DLG1: variants seen among roughly 807,000 people sequenced by gnomAD.
The protein encoded by DLG1 is discs large MAGUK scaffold protein 1, also known as disks large homolog 1.
In DLG1, 42 loss-of-function variants were observed where a neutral mutation model predicts 123.4. The observed-to-expected ratio is 0.34, with a 90% CI of 0.27 to 0.44. The LOEUF is 0.44. Among genes scored for constraint, DLG1 ranks in the 20% least tolerant of loss-of-function variants. The probability of loss-of-function intolerance (pLI) is 1.00; values close to 1 mark genes in which losing one functional copy is unlikely to be tolerated. For missense variants in DLG1, 942 were observed against 1,082.6 expected, an observed-to-expected ratio of 0.87 and a Z score of 1.82; for synonymous variants, 317 against 356.2, an observed-to-expected ratio of 0.89 and a Z score of 1.24.
At chr3:197,244,739 A>G (rs1044499620) in intron 4 of DLG1, among the ~76,000 whole-genome samples, 3 of 151,894 alleles carry the variant, frequency 2.0e-5, no homozygotes, top group African/African-American at 7.3e-5. Context: ...GGTGGTTAGA[A>G]GCACGAGATA....
intron 6 of DLG1, among the ~76,000 whole-genome samples, chr3:197,143,744 G>C (rs1789247851): frequency 6.6e-6 from 1 of 152,046 alleles, no homozygotes; most frequent in Non-Finnish European, 1.5e-5. Flanking sequence ...TGAACGACTT[G>C]CTCTTTCCAT....
chr3:197,195,548 T>C (rs1722030884), intron 4 of DLG1, among the ~76,000 whole-genome samples: 1 of 152,088 alleles, frequency 6.6e-6, no homozygotes, highest in African/African-American at 2.4e-5. Flanking sequence ...TATGCAGCCA[T>C]AAAAAAGAAT....
At chr3:197,133,800 C>T (rs371229032) in intron 10 of DLG1, among the ~76,000 whole-genome samples, 1 of 152,058 alleles carries the variant, frequency 6.6e-6, no homozygotes, top group Non-Finnish European at 1.5e-5. Flanking sequence ...AGAGAAATAC[C>T]AAGATAAAGG....
At chr3:197,288,150 G>A (rs1297084057) in intron 3 of DLG1, among the ~76,000 whole-genome samples, 1 of 151,936 alleles carries the variant, frequency 6.6e-6, no homozygotes, top group African/African-American at 2.4e-5. Context: ...CAGATCAGGA[G>A]GTCAAGAGAT....
At chr3:197,210,671 T>C (rs925060951) in intron 4 of DLG1, among the ~76,000 whole-genome samples, 1 of 143,270 alleles carries the variant, frequency 7.0e-6, no homozygotes, top group East Asian at 2.0e-4. Context: ...TTCTTTAATA[T>C]ATATTAAAGA....
chr3:197,091,152 A>G, intron 14 of DLG1, 126 bp from the exon 15 acceptor site: 1 of 550,248 alleles, frequency 1.8e-6, no homozygotes, highest in South Asian at 3.9e-5. Context: ...AAATAGTAAT[A>G]TGCGAAAGAT....
At chr3:197,079,964 A>T (rs938203893) in intron 17 of DLG1, among the ~76,000 whole-genome samples, 19 of 152,000 alleles carry the variant, frequency 1.3e-4, no homozygotes, top group Non-Finnish European at 2.5e-4. Flanking sequence ...ATTCATTTCA[A>T]ATATTATCAG....
intron 20 of DLG1, among the ~76,000 whole-genome samples, chr3:197,066,157 C>A (rs1739398895): frequency 6.6e-6 from 1 of 152,002 alleles, no homozygotes; most frequent in Non-Finnish European, 1.5e-5. Context: ...CAAAGAAGGG[C>A]AGAACAGAAA....
At position 197,051,684 on chromosome 3, in the gene DLG1, T is replaced by C. The variant is rs1421182722; in HGVS notation, c.2484-16A>G. ...ATTCATTTCCCTACGAAAATAAATG[T>C]AGAAATTGATAATTACCAAATTATA... is the stretch of plus-strand genomic sequence containing the variant. On this transcript the variant is annotated splice_polypyrimidine_tract_variant and intron_variant, in intron 23 of 24. Transcript: ENST00000667157. 7.0e-6 allele frequency: 11 copies of C among 1,572,502 alleles called. No homozygotes were observed. The highest frequency in any genetic ancestry group is 3.3e-5 in the South Asian group (3 of 89,624).
At chr3:197,206,839 TAAATAA>T (rs1728764399) in intron 4 of DLG1, among the ~76,000 whole-genome samples, 1 of 151,686 alleles carries the variant, frequency 6.6e-6, no homozygotes, top group African/African-American at 2.4e-5. Flanking sequence ...AATAAATAAA[TAAATAA>T]AAATAAAGAA....
At chr3:197,114,922 G>C (rs1303172591) in intron 13 of DLG1, among the ~76,000 whole-genome samples, 5 of 147,974 alleles carry the variant, frequency 3.4e-5, no homozygotes, top group African/African-American at 1.3e-4. Context: ...GGAGCTTGCA[G>C]TGAGCCAAGA....
intron 14 of DLG1, among the ~76,000 whole-genome samples, chr3:197,100,517 C>G (rs1762893863): frequency 6.6e-6 from 1 of 151,976 alleles, no homozygotes. Flanking sequence ...CAATTTATTT[C>G]TTTTATGGTA....
intron 14 of DLG1, among the ~76,000 whole-genome samples, chr3:197,096,177 T>C (rs1451425150): frequency 6.6e-6 from 1 of 152,226 alleles, no homozygotes; most frequent in Non-Finnish European, 1.5e-5. Flanking sequence ...TGTTTACATC[T>C]GTATCAATGG....
intron 3 of DLG1, among the ~76,000 whole-genome samples, chr3:197,291,967 T>C (rs1311413029): frequency 6.6e-6 from 1 of 152,092 alleles, no homozygotes; most frequent in African/African-American, 2.4e-5. Flanking sequence ...AGGAAAAAAA[T>C]TAAGTATCGG....
chr3:197,068,411 T>G (rs1450943463), intron 19 of DLG1: 4 of 842,884 alleles, frequency 4.7e-6, no homozygotes, highest in African/African-American at 1.7e-5. Context: ...GTAACTATTG[T>G]GTAGAAAAAT....
At chr3:197,222,766 C>A (rs1022372320) in intron 4 of DLG1, among the ~76,000 whole-genome samples, 1 of 152,194 alleles carries the variant, frequency 6.6e-6, no homozygotes, top group African/African-American at 2.4e-5. Context: ...TGACTTTATA[C>A]TGGGTGTTCT....
At chr3:197,195,389 A>G (rs1721928638) in intron 4 of DLG1, among the ~76,000 whole-genome samples, 1 of 152,184 alleles carries the variant, frequency 6.6e-6, no homozygotes, top group African/African-American at 2.4e-5. Context: ...AAACCAGTCA[A>G]TCAATTGATT....
intron 13 of DLG1, among the ~76,000 whole-genome samples, chr3:197,107,220 G>A (rs1051587573): frequency 2.6e-5 from 4 of 152,000 alleles, no homozygotes; most frequent in Admixed American, 6.6e-5. Context: ...ATTTAGTGGC[G>A]CTAAATAATG....
In DLG1 at chr3:197,149,763, T is replaced by C; in HGVS notation, c.517A>G (p.Ser173Gly). Residue 173 changes from serine to glycine, a missense_variant, in exon 6 of 25, where the codon AGC (serine) becomes GGC (glycine). Ser to Gly is a moderately conservative substitution (Grantham distance 56). Coordinates refer to ENST00000667157, the MANE Select transcript of DLG1 (RefSeq NM_001366207.1). ...NPPPVLVNTD[S>G]LETPTYVNGT... ...CTTACGTAAGTTGGTGTTTCCAAGC[T>C]ATCTGTGTTGACCAGTACTGGGGGA... The C allele has an allele frequency of 6.2e-7, 1 of 1,603,330 alleles. No homozygotes were observed. Among genetic ancestry groups the C allele is most frequent in the Non-Finnish European group, 8.5e-7 (1 of 1,171,094 alleles).
Sources: gnomAD v4.1 joint callset for allele counts (sites outside exome capture counted in the v4.1 genomes callset) on GRCh38, gnomAD v4.1.1 for gene constraint, MANE v1.5 for transcripts, NCBI Gene and HGNC (gene_info 2026-07-23, HGNC 2026-07-21) for gene names.